The following RUFY3 variants were observed in gnomAD, a reference collection of about 807,000 sequenced individuals.
The protein encoded by RUFY3 is RUN and FYVE domain containing 3, also known as protein RUFY3.
A neutral mutation model predicts 84.0 loss-of-function variants in RUFY3; 34 were observed. The observed-to-expected ratio is 0.40, with a 90% CI of 0.31 to 0.54. The LOEUF (loss-of-function observed/expected upper bound fraction) is 0.54, where lower values mean the gene tolerates loss of function less well. Ranked by LOEUF, RUFY3 falls within the 20% of genes least tolerant of loss-of-function variation. The pLI is 0.39. For missense variants in RUFY3, 507 were observed against 736.8 expected, an observed-to-expected ratio of 0.69 and a Z score of 3.61; for synonymous variants, 242 against 252.9, an observed-to-expected ratio of 0.96 and a Z score of 0.41.
At chr4:70,775,441 T>C (rs1727770717) in intron 7 of RUFY3, among the ~76,000 whole-genome samples, 2 of 151,216 alleles carry the variant, frequency 1.3e-5, no homozygotes, top group African/African-American at 2.4e-5. Context: ...TATAATGTTA[T>C]ATATAATATA....
In RUFY3 at chr4:70,800,121, G is replaced by C; in HGVS notation, c.1558-20G>C. The stretch of plus-strand genomic sequence containing the variant: ...TAGCATTCTGAATAATTAATAAATT[G>C]GGCTGTTTTCTTTTGGCAGGATGGG... On this transcript the variant is annotated intron_variant, in intron 14 of 17. Coordinates refer to ENST00000381006, the MANE Select transcript of RUFY3 (RefSeq NM_001037442.4). The C allele has an allele frequency of 6.3e-7, 1 of 1,595,628 alleles. No individual in the cohort carries two copies. The highest frequency in any genetic ancestry group is 8.5e-7 in the Non-Finnish European group (1 of 1,173,440).
At position 70,722,677 on chromosome 4, in the gene RUFY3, T is replaced by C; in HGVS notation, c.104T>C (p.Met35Thr). The C allele has an allele frequency of 6.2e-7, 1 of 1,614,094 alleles. No homozygotes were observed. The highest frequency in any genetic ancestry group is 8.5e-7 in the Non-Finnish European group (1 of 1,180,004). Residue 35 changes from methionine to threonine, a missense_variant, in exon 1 of 18, where the codon ATG becomes ACG. Physicochemically the swap from Met to Thr is moderately conservative, Grantham distance 81. Coordinates refer to ENST00000381006, the MANE Select transcript of RUFY3 (RefSeq NM_001037442.4). ...TACCTTTGCAAATTCCGAGTGTCCA[T>C]GGATGGAGAATGGCTCTGCCTGCGA... ...TIYLCKFRVS[M>T]DGEWLCLREL... is the part of the protein sequence containing the mutation.
rs57107005 is a variant in RUFY3, at chr4:70,807,663, C to CTTTT, written c.*1018_*1021dup. 8.6e-4 allele frequency among the ~76,000 whole-genome samples: 108 copies of CTTTT among 126,192 alleles called. 1 individual carries two copies. Among genetic ancestry groups the CTTTT allele is most frequent in the Non-Finnish European group, 4.6e-4 (27 of 58,998 alleles). The allele number at this position is 126,192 out of a possible 152,430, so 82.8% of individuals were successfully genotyped here. A position where few individuals can be genotyped will look rare whatever the true frequency, so the allele number is the denominator to read the frequency against. ...TAGCCTCCCAAGTAGCTGGGACTGG[C>CTTTT]TTTTTTTTTTTTTTTTTGGCCGGGG... On this transcript the variant is annotated 3_prime_UTR_variant, in exon 18 of 18. Transcript: ENST00000381006.
Position 70,797,025 on chromosome 4 carries a change from C to T in RUFY3, c.1557+2131C>T, listed in dbSNP as rs528250645. Reference sequence around the variant, plus strand: ...GCACAATCATGCCTCACTGCAGCCTCGATTTCCCAGGCTCAGGTGATCCTC... The same window carrying T: ...GCACAATCATGCCTCACTGCAGCCTTGATTTCCCAGGCTCAGGTGATCCTC... On this transcript the variant is annotated intron_variant, in intron 14 of 17. Transcript: ENST00000381006. Among the ~76,000 whole-genome samples, 79 of 151,608 alleles carry T rather than the reference C, an allele frequency of 5.2e-4. 2 individuals are homozygous for T. In the South Asian group the frequency reaches 0.016, roughly 30 times the overall value.
intron 12 of RUFY3, chr4:70,792,881 C>T: frequency 1.0e-6 from 1 of 985,358 alleles, no homozygotes; most frequent in Non-Finnish European, 1.2e-6. Flanking sequence ...CCTATATAAA[C>T]AAAGCTCCTA....
chr4:70,776,568 A>G (rs1728003704), intron 7 of RUFY3, among the ~76,000 whole-genome samples: 1 of 152,180 alleles, frequency 6.6e-6, no homozygotes, highest in Non-Finnish European at 1.5e-5. Context: ...AGGTCAGGAT[A>G]TGGAGATCAT....
chr4:70,780,105 G>C (rs1728652203), intron 8 of RUFY3, among the ~76,000 whole-genome samples: 1 of 151,726 alleles, frequency 6.6e-6, no homozygotes, highest in African/African-American at 2.4e-5. Context: ...TTATGCTTAG[G>C]GTCCTTAGAA....
chr4:70,778,135 G>A (rs566719756), intron 7 of RUFY3, among the ~76,000 whole-genome samples: 1 of 152,248 alleles, frequency 6.6e-6, no homozygotes, highest in East Asian at 1.9e-4. Context: ...TTGGGAGACT[G>A]AGGCAAGAGA....
intron 1 of RUFY3, among the ~76,000 whole-genome samples, chr4:70,757,036 T>C (rs1279489628): frequency 6.6e-6 from 1 of 151,974 alleles, no homozygotes; most frequent in African/African-American, 2.4e-5. Context: ...TTTGGGAGGC[T>C]GAGGTGAGAG....
chr4:70,740,990 A>G (rs191306907), intron 1 of RUFY3, among the ~76,000 whole-genome samples: 1 of 152,248 alleles, frequency 6.6e-6, no homozygotes, highest in East Asian at 1.9e-4. Flanking sequence ...AGAAATATTA[A>G]TGTGCTTGAT....
chr4:70,745,322 TC>T (rs750117780), intron 1 of RUFY3, among the ~76,000 whole-genome samples: 131 of 152,328 alleles, frequency 8.6e-4, no homozygotes, highest in Non-Finnish European at 1.5e-3. Context: ...TGAAGTGTCT[TC>T]TTAGGGTACA....
chr4:70,789,800 C>A, intron 12 of RUFY3: 3 of 1,191,404 alleles, frequency 2.5e-6, no homozygotes, highest in South Asian at 2.3e-5. Context: ...CTTGACTAGC[C>A]TTTAAAAAAA....
intron 1 of RUFY3, among the ~76,000 whole-genome samples, chr4:70,723,761 C>G (rs530813219): frequency 6.6e-6 from 1 of 152,118 alleles, no homozygotes; most frequent in Admixed American, 6.6e-5. Flanking sequence ...TTAGGCACAT[C>G]GACAGGACAA....
intron 1 of RUFY3, among the ~76,000 whole-genome samples, chr4:70,707,344 C>T (rs769748969): frequency 2.0e-5 from 3 of 152,154 alleles, no homozygotes; most frequent in Non-Finnish European, 4.4e-5. Context: ...CTGCAACCTC[C>T]GCCTCCCGAT....
At chr4:70,713,280 C>T (rs1035449112) in intron 1 of RUFY3, among the ~76,000 whole-genome samples, 38 of 152,290 alleles carry the variant, frequency 2.5e-4, no homozygotes, top group African/African-American at 8.7e-4. Flanking sequence ...GCCCCAACCT[C>T]CCAAAGTGTT....
At chr4:70,785,619 G>A (rs184539478) in intron 10 of RUFY3, among the ~76,000 whole-genome samples, 3 of 151,784 alleles carry the variant, frequency 2.0e-5, no homozygotes, top group East Asian at 1.9e-4. Context: ...ACGTAAGGTC[G>A]GGAGTTCGAG....
intron 1 of RUFY3, among the ~76,000 whole-genome samples, chr4:70,723,809 TAGGAAAGGTG>T (rs1198605535): frequency 6.6e-6 from 1 of 152,208 alleles, no homozygotes; most frequent in Non-Finnish European, 1.5e-5. Flanking sequence ...CAGATGGGGT[TAGGAAAGGTG>T]ATTCTCTGCC....
intron 1 of RUFY3, among the ~76,000 whole-genome samples, chr4:70,729,003 G>A (rs1718765288): frequency 1.3e-5 from 2 of 151,886 alleles, no homozygotes; most frequent in South Asian, 4.1e-4. Context: ...AGAGTTGGGT[G>A]GATAAATTAG....
At chr4:70,740,277 T>C (rs1334510804) in intron 1 of RUFY3, among the ~76,000 whole-genome samples, 2 of 152,164 alleles carry the variant, frequency 1.3e-5, no homozygotes, top group African/African-American at 2.4e-5. Flanking sequence ...CTTAAATTAA[T>C]TGCATCACTC....
Sources: allele counts gnomAD v4.1 joint callset (sites outside exome capture counted in the v4.1 genomes callset), GRCh38; gene constraint gnomAD v4.1.1; transcripts MANE v1.5; gene names NCBI Gene and HGNC (gene_info 2026-07-23, HGNC 2026-07-21).